The following ERH variants were observed in gnomAD, a reference collection of about 807,000 sequenced individuals.
ERH encodes enhancer of rudimentary homolog.
A neutral mutation model predicts 16.8 loss-of-function variants in ERH; 1 was observed. That is an observed-to-expected ratio of 0.06 (90% confidence interval 0.02 to 0.28). ERH has a LOEUF of 0.28. Ranked by LOEUF, ERH falls within the 10% of genes least tolerant of loss-of-function variation. The pLI, the probability that ERH is intolerant of heterozygous loss-of-function variation, is 1.00. For missense variants in ERH, 42 were observed against 127.5 expected, an observed-to-expected ratio of 0.33 and a Z score of 3.23; for synonymous variants, 43 against 43.6, an observed-to-expected ratio of 0.99 and a Z score of 0.05.
intron 2 of ERH, among the ~76,000 whole-genome samples, chr14:69,391,209 A>G (rs1168581326): frequency 1.3e-5 from 2 of 152,232 alleles, no homozygotes; most frequent in South Asian, 2.1e-4. Context: ...CATAATTGCC[A>G]AAAAATAGAA....
In ERH at chr14:69,393,026, A is replaced by AG. The variant is rs1158229549; in HGVS notation, c.91+1798dup. Among the ~76,000 whole-genome samples, 6 of 152,342 alleles carry AG rather than the reference A, an allele frequency of 3.9e-5. No individual in the cohort carries two copies. The South Asian group carries it at 6.2e-4, about 16-fold the overall frequency. ...AATGCCATGTTCTTCTTTAAGAATT[A>AG]GAGTAGATGGCCTGGAGTGGTGGCT... On this transcript the variant is annotated intron_variant, in intron 2 of 3. Coordinates refer to ENST00000557016, the MANE Select transcript of ERH (RefSeq NM_004450.3).
intron 3 of ERH, 26 bp downstream of exon 3, chr14:69,386,937 T>C (rs1179134028): frequency 1.2e-6 from 2 of 1,609,750 alleles, no homozygotes; most frequent in Admixed American, 1.7e-5. Context: ...AAATACAAGA[T>C]AAAAGACATG....
chr14:69,390,848 A>C (rs1456588718), intron 2 of ERH, among the ~76,000 whole-genome samples: 1 of 152,256 alleles, frequency 6.6e-6, no homozygotes, highest in Admixed American at 6.5e-5. Context: ...AAATAGGCAG[A>C]AGATCTGGAT....
chr14:69,394,528 G>A (rs1427601580), intron 2 of ERH, among the ~76,000 whole-genome samples: 2 of 152,222 alleles, frequency 1.3e-5, no homozygotes, highest in Non-Finnish European at 2.9e-5. Context: ...AACCTGGGGG[G>A]CGGAGGTTGC....
chr14:69,384,706 A>G (rs996193571), intron 3 of ERH, among the ~76,000 whole-genome samples: 3 of 145,782 alleles, frequency 2.1e-5, no homozygotes, highest in African/African-American at 7.8e-5. Flanking sequence ...TATTCCTCAA[A>G]TAACAACACA....
intron 1 of ERH, among the ~76,000 whole-genome samples, chr14:69,396,078 T>C (rs1027970155): frequency 6.6e-6 from 1 of 152,244 alleles, no homozygotes; most frequent in Admixed American, 6.5e-5. Context: ...GTTGAAAATA[T>C]GACCCATCCA....
rs764514144 is a variant in ERH, at chr14:69,380,247, G to A, written c.*291C>T. On this transcript the variant is annotated 3_prime_UTR_variant, in exon 4 of 4. Transcript: ENST00000557016. ...GTTAGTATGTGAATGTTATAAAGTAGATATGAACAGTTGAAGGACTGGAAC... is the reference window on the plus strand; with the variant it reads ...GTTAGTATGTGAATGTTATAAAGTAAATATGAACAGTTGAAGGACTGGAAC... The A allele has an allele frequency of 7.1e-6, 2 of 279,986 alleles. No homozygotes were observed. The highest frequency in any genetic ancestry group is 1.3e-5 in the Non-Finnish European group (2 of 151,346). The allele number at this position is 279,986 out of a possible 1,614,324, so 17.3% of individuals were successfully genotyped here.
rs527333839 is a variant in ERH at position 69,380,446 on chromosome 14, C to A, written c.*92G>T. 2.1e-4 allele frequency: 141 copies of A among 676,636 alleles called. No individual in the cohort carries two copies. Among genetic ancestry groups the A allele is most frequent in the Non-Finnish European group, 3.4e-4 (125 of 373,042 alleles). 41.9% of individuals were successfully genotyped at this position (676,636 alleles called of 1,614,324 possible). A position where few individuals can be genotyped will look rare whatever the true frequency, so the allele number is the denominator to read the frequency against. On this transcript the variant is annotated 3_prime_UTR_variant, in exon 4 of 4. Transcript: ENST00000557016. ...TGGCTAGAGTATAACAAAGTGGAAA[C>A]AGGATTACTATGATACAAAACTTCC...
chr14:69,382,047 G>A (rs1266899280), intron 3 of ERH, among the ~76,000 whole-genome samples: 1 of 152,186 alleles, frequency 6.6e-6, no homozygotes. Context: ...TTATTAGCTA[G>A]GTAATGCTGG....
At chr14:69,386,935 G>C (rs1464862856) in intron 3 of ERH, 28 bp downstream of exon 3, 1 of 1,608,716 alleles carries the variant, frequency 6.2e-7, no homozygotes, top group Admixed American at 1.7e-5. Flanking sequence ...GAAAATACAA[G>C]ATAAAAGACA....
At chr14:69,382,140 G>C (rs959787849) in intron 3 of ERH, among the ~76,000 whole-genome samples, 1 of 152,146 alleles carries the variant, frequency 6.6e-6, no homozygotes, top group Admixed American at 6.5e-5. Flanking sequence ...ACAATTTTTG[G>C]CAAGGGAAAT....
chr14:69,388,134 G>A (rs1410712565), intron 2 of ERH, among the ~76,000 whole-genome samples: 3 of 152,250 alleles, frequency 2.0e-5, no homozygotes, highest in Non-Finnish European at 4.4e-5. Context: ...GACAAACGAC[G>A]CCATTCCCTG....
intron 3 of ERH, among the ~76,000 whole-genome samples, chr14:69,385,994 C>T (rs1456431916): frequency 6.6e-6 from 1 of 152,206 alleles, no homozygotes; most frequent in African/African-American, 2.4e-5. Flanking sequence ...TACTTCAGGA[C>T]TTCTACACTA....
At position 69,386,965 on chromosome 14, in the gene ERH, C is replaced by G. The variant is rs762963699; in HGVS notation, c.210G>C (p.Leu70=). 3 of 1,613,154 alleles carry G rather than the reference C, an allele frequency of 1.9e-6. No individual in the cohort carries two copies. The South Asian group carries it at 3.3e-5, about 18-fold the overall frequency. ...AAGACATGTTGGCTAATACTTACAC[C>G]AGGCAGCTGAGGTCTGCCAGATCAT... ...FIDDLADLSC[L]VYRADTQTYQ... Residue 70 remains leucine (L), a splice_region_variant and synonymous_variant, in exon 3 of 4, where the codon CTG becomes CTC. Coordinates refer to ENST00000557016, the MANE Select transcript of ERH (RefSeq NM_004450.3).
rs777828170 is a variant in ERH at position 69,380,509 on chromosome 14, C to T, written c.*29G>A. On this transcript the variant is annotated 3_prime_UTR_variant, in exon 4 of 4. Coordinates refer to ENST00000557016, the MANE Select transcript of ERH (RefSeq NM_004450.3). ...TGTACACACCTGTGTTCCAAGCCCA[C>T]CCCAACCCCCCCAGTGCTTCCAACA... The T allele has an allele frequency of 2.7e-6, 3 of 1,121,086 alleles. No homozygotes were observed. The highest frequency in any genetic ancestry group is 2.4e-5 in the East Asian group (1 of 42,398). 69.4% of individuals were successfully genotyped at this position (1,121,086 alleles called of 1,614,324 possible).
intron 3 of ERH, among the ~76,000 whole-genome samples, chr14:69,382,789 CAAAAG>C (rs1395092902): frequency 1.5e-4 from 15 of 103,168 alleles, no homozygotes; most frequent in African/African-American, 5.5e-4. Flanking sequence ...ACTCTATCTC[CAAAAG>C]AAAAAAAAAA....
rs1352550563 is a variant in ERH at position 69,397,886 on chromosome 14, C to A, written c.3+345G>T. 2.1e-5 allele frequency: 9 copies of A among 430,344 alleles called. No homozygotes were observed. In the East Asian group the frequency reaches 4.2e-4, roughly 20 times the overall value. 26.7% of individuals were successfully genotyped at this position (430,344 alleles called of 1,614,324 possible). Reference sequence around the variant, plus strand: ...GGGTCTGAGATCCCGCCACTGCACTCCAGCCTGGGCGATAGAGTGAGACTC... The same window carrying A: ...GGGTCTGAGATCCCGCCACTGCACTACAGCCTGGGCGATAGAGTGAGACTC... On this transcript the variant is annotated intron_variant, in intron 1 of 3. Coordinates refer to ENST00000557016, the MANE Select transcript of ERH (RefSeq NM_004450.3).
At chr14:69,385,282 G>A (rs1189061832) in intron 3 of ERH, among the ~76,000 whole-genome samples, 2 of 152,084 alleles carry the variant, frequency 1.3e-5, no homozygotes, top group Non-Finnish European at 2.9e-5. Context: ...AGGTACTTTG[G>A]AGGACACTTA....
chr14:69,392,720 A>G (rs1882245882), intron 2 of ERH, among the ~76,000 whole-genome samples: 2 of 152,246 alleles, frequency 1.3e-5, no homozygotes, highest in Admixed American at 1.3e-4. Flanking sequence ...ATACTGGTTC[A>G]CCACTGTTAC....
Sources: allele counts gnomAD v4.1 joint callset (sites outside exome capture counted in the v4.1 genomes callset), GRCh38; gene constraint gnomAD v4.1.1; transcripts MANE v1.5; gene names NCBI Gene and HGNC (gene_info 2026-07-23, HGNC 2026-07-21).